Variants in UCK2 observed in about 807,000 individuals in gnomAD.
The protein encoded by UCK2 is uridine-cytidine kinase 2, also known as cytidine monophosphokinase 2.
UCK2 carries 6 observed loss-of-function variants against 30.8 expected under a neutral mutation model. The observed-to-expected ratio is 0.19, with a 90% CI of 0.11 to 0.38. UCK2 has a LOEUF of 0.38. Among genes scored for constraint, UCK2 ranks in the 10% least tolerant of loss-of-function variants. The pLI is 1.00. For missense variants in UCK2, 210 were observed against 339.8 expected, an observed-to-expected ratio of 0.62 and a Z score of 3.00; for synonymous variants, 125 against 133.6, an observed-to-expected ratio of 0.94 and a Z score of 0.45.
intron 1 of UCK2, among the ~76,000 whole-genome samples, chr1:165,852,426 C>G (rs918897495): frequency 1.3e-5 from 2 of 152,132 alleles, no homozygotes; most frequent in African/African-American, 2.4e-5. Context: ...AGACACTTCT[C>G]GAAAGAAGAC....
intron 1 of UCK2, among the ~76,000 whole-genome samples, chr1:165,886,400 T>C (rs1477361834): frequency 1.3e-5 from 2 of 152,242 alleles, no homozygotes; most frequent in South Asian, 2.1e-4. Flanking sequence ...GCTCAAGCAG[T>C]CCTCCTGCCT....
chr1:165,875,454 C>G (rs1203023932), intron 1 of UCK2, among the ~76,000 whole-genome samples: 1 of 152,154 alleles, frequency 6.6e-6, no homozygotes, highest in African/African-American at 2.4e-5. Context: ...CCTCACACAG[C>G]AAGGCACAGA....
chr1:165,893,967 T>C (rs2101883406), intron 3 of UCK2, among the ~76,000 whole-genome samples: 1 of 152,278 alleles, frequency 6.6e-6, no homozygotes, highest in Middle Eastern at 3.4e-3. Flanking sequence ...ATCCCTAATC[T>C]AAAAACCCAA....
rs28480651 is a variant in UCK2 at position 165,845,153 on chromosome 1, T to C, written c.99+17221T>C. ...GCCCTCAGCCTGTGGGATCTGGCGCTCTCTCCAGGTAGATCGTGTCAGAAT... is the reference window on the plus strand; with the variant it reads ...GCCCTCAGCCTGTGGGATCTGGCGCCCTCTCCAGGTAGATCGTGTCAGAAT... On this transcript the variant is annotated intron_variant, in intron 1 of 6. Coordinates refer to ENST00000367879, the MANE Select transcript of UCK2 (RefSeq NM_012474.5). 5.1e-4 allele frequency among the ~76,000 whole-genome samples: 78 copies of C among 152,222 alleles called. No homozygotes were observed. The East Asian group carries it at 0.012, about 24-fold the overall frequency.
In UCK2 at chr1:165,888,112, C is replaced by T. The variant is rs928445005; in HGVS notation, c.100-2092C>T. Among the ~76,000 whole-genome samples, 11 of 152,070 alleles carry T rather than the reference C, an allele frequency of 7.2e-5. No homozygotes were observed. In the East Asian group the frequency reaches 2.1e-3, roughly 29 times the overall value. ...TTGTGCAACAGGAATGGCCAGTTTT[C>T]CTTACGCTCAGGGCAATCAAACACA... is the stretch of plus-strand genomic sequence containing the variant. On this transcript the variant is annotated intron_variant, in intron 1 of 6. Transcript: ENST00000367879.
At chr1:165,829,180 G>A (rs1653977627) in intron 1 of UCK2, among the ~76,000 whole-genome samples, 1 of 152,108 alleles carries the variant, frequency 6.6e-6, no homozygotes. Flanking sequence ...AGTTGATCTC[G>A]TCCGTAGCTC....
intron 1 of UCK2, among the ~76,000 whole-genome samples, chr1:165,839,991 C>T (rs866268558): frequency 3.2e-4 from 49 of 152,164 alleles, no homozygotes; most frequent in African/African-American, 1.1e-3. Context: ...GGCGCGATCT[C>T]GGCCCACTGC....
chr1:165,874,358 A>T (rs1386552112), intron 1 of UCK2, among the ~76,000 whole-genome samples: 1 of 152,190 alleles, frequency 6.6e-6, no homozygotes, highest in Non-Finnish European at 1.5e-5. Context: ...GGAGGTATCA[A>T]ATGAGACATA....
chr1:165,890,138 C>G (rs891558470), intron 1 of UCK2, 66 bp from the exon 2 acceptor site: 2 of 1,577,614 alleles, frequency 1.3e-6, no homozygotes, highest in South Asian at 1.1e-5. Context: ...TGGTTACTCT[C>G]GGGACTTCCT....
At chr1:165,882,559 C>T (rs72699996) in intron 1 of UCK2, among the ~76,000 whole-genome samples, 4,402 of 152,300 alleles carry the variant, frequency 0.029, 101 homozygotes, top group Non-Finnish European at 0.046. Flanking sequence ...GGAAGTTCAA[C>T]ATCAAGGTAC....
chr1:165,851,139 T>G (rs1367697711), intron 1 of UCK2, among the ~76,000 whole-genome samples: 2 of 152,090 alleles, frequency 1.3e-5, no homozygotes, highest in South Asian at 4.1e-4. Context: ...CTGCTCCCCC[T>G]GTTATCTCTG....
intron 1 of UCK2, among the ~76,000 whole-genome samples, chr1:165,880,559 TTTTGGGGGTGTGTG>T (rs1265455074): frequency 7.0e-5 from 6 of 86,096 alleles, no homozygotes; most frequent in South Asian, 3.7e-4. Context: ...ATTCAGTTTT[TTTTGGGGGTGTGTG>T]TGTGTGTGTG....
chr1:165,862,237 A>T (rs1293558413), intron 1 of UCK2, among the ~76,000 whole-genome samples: 2 of 152,098 alleles, frequency 1.3e-5, no homozygotes. Context: ...CTCTGAAGCT[A>T]ATTTCTTCAC....
Position 165,907,727 on chromosome 1 carries a change from T to C in UCK2, c.690T>C (p.Asn230=), listed in dbSNP as rs746618479. ...TGCAGCACATCCAGGACATCCTGAA[T>C]GGAGGGCCCTCCAAACGGCAGACCA... ...LIVQHIQDIL[N]GGPSKRQTNG... Residue 230 remains asparagine (N), a synonymous_variant, in exon 7 of 7, where the codon AAT becomes AAC. Transcript: ENST00000367879. 2.0e-5 allele frequency: 33 copies of C among 1,614,052 alleles called. No individual in the cohort carries two copies. Among genetic ancestry groups the C allele is most frequent in the Non-Finnish European group, 2.7e-5 (32 of 1,180,042 alleles).
At chr1:165,896,356 G>A (rs747501995) in intron 4 of UCK2, 24 bp downstream of exon 4, 2 of 1,612,956 alleles carry the variant, frequency 1.2e-6, no homozygotes, top group South Asian at 2.2e-5. Context: ...GCCTCAGGTG[G>A]CCCTGTTGGT....
intron 3 of UCK2, among the ~76,000 whole-genome samples, chr1:165,894,820 C>T (rs1457561820): frequency 6.6e-6 from 1 of 152,038 alleles, no homozygotes; most frequent in Non-Finnish European, 1.5e-5. Context: ...TTGAGCTGGC[C>T]GTTGATACTG....
At chr1:165,884,225 C>T (rs1399335301) in intron 1 of UCK2, among the ~76,000 whole-genome samples, 1 of 152,190 alleles carries the variant, frequency 6.6e-6, no homozygotes, top group East Asian at 1.9e-4. Flanking sequence ...AAGCATTCTT[C>T]TCTGCTGTGA....
chr1:165,886,713 G>C (rs950783055), intron 1 of UCK2, among the ~76,000 whole-genome samples: 3 of 152,248 alleles, frequency 2.0e-5, no homozygotes, highest in Admixed American at 6.5e-5. Flanking sequence ...ACAGAGGTGA[G>C]TGTTAAGTAA....
At chr1:165,828,360 C>T (rs1050008329) in intron 1 of UCK2, among the ~76,000 whole-genome samples, 1 of 152,186 alleles carries the variant, frequency 6.6e-6, no homozygotes, top group Non-Finnish European at 1.5e-5. Flanking sequence ...GCTCGCCCCG[C>T]GGCGCAGCCT....
Sources: allele counts gnomAD v4.1 joint callset (sites outside exome capture counted in the v4.1 genomes callset), GRCh38; gene constraint gnomAD v4.1.1; transcripts MANE v1.5; gene names NCBI Gene and HGNC (gene_info 2026-07-23, HGNC 2026-07-21).